The following CSMD1 variants were observed in gnomAD, a reference collection of about 807,000 sequenced individuals.
CSMD1 encodes the protein CUB and sushi domain-containing protein 1.
A neutral mutation model predicts 417.5 loss-of-function variants in CSMD1; 213 were observed. The observed-to-expected ratio is 0.51, with a 90% confidence interval of 0.46 to 0.57. CSMD1 has a LOEUF of 0.57. Ranked by LOEUF, CSMD1 falls within the 20% of genes least tolerant of loss-of-function variation. CSMD1 has a pLI of 0.00. For missense variants in CSMD1, 6,923 were observed against 4,529.7 expected, an observed-to-expected ratio of 1.53 and a Z score of -15.17; for synonymous variants, 2,862 against 1,736.8, an observed-to-expected ratio of 1.65 and a Z score of -16.11.
At chr8:3,408,576 C>G (rs1214842212) in intron 13 of CSMD1, among the ~76,000 whole-genome samples, 1 of 151,270 alleles carries the variant, frequency 6.6e-6, no homozygotes, top group Non-Finnish European at 1.5e-5. Flanking sequence ...AAAGTATATT[C>G]CTATATCATA....
intron 2 of CSMD1, among the ~76,000 whole-genome samples, chr8:4,598,300 C>T (rs1025880068): frequency 2.6e-5 from 4 of 152,090 alleles, no homozygotes; most frequent in East Asian, 1.9e-4. Flanking sequence ...ATTTGAATTA[C>T]GAATACTATG....
intron 3 of CSMD1, among the ~76,000 whole-genome samples, chr8:4,034,917 A>T (rs1457080833): frequency 2.6e-5 from 4 of 152,178 alleles, no homozygotes; most frequent in African/African-American, 7.2e-5. Context: ...ATGACCAGTC[A>T]TTGTCACACA....
chr8:4,195,557 C>G (rs968371), intron 3 of CSMD1, among the ~76,000 whole-genome samples: 73,474 of 151,980 alleles, frequency 0.48, 19,397 homozygotes, highest in Non-Finnish European at 0.59. Context: ...GTGCGTCTGA[C>G]CAATAGTATA....
At chr8:3,457,706 A>G (rs1196843627) in intron 12 of CSMD1, among the ~76,000 whole-genome samples, 1 of 152,198 alleles carries the variant, frequency 6.6e-6, no homozygotes, top group Admixed American at 6.5e-5. Context: ...GATCATAAAA[A>G]CTCGTAAAGG....
chr8:3,004,899 G>T (rs554753398), intron 52 of CSMD1, among the ~76,000 whole-genome samples: 5 of 152,312 alleles, frequency 3.3e-5, no homozygotes, highest in Admixed American at 6.5e-5. Context: ...AGCACTTTGG[G>T]ATGCTGAGGT....
chr8:4,729,722 A>G (rs1303707791), intron 1 of CSMD1, among the ~76,000 whole-genome samples: 1 of 152,192 alleles, frequency 6.6e-6, no homozygotes, highest in East Asian at 1.9e-4. Context: ...TGTGCTTACA[A>G]CTCAAAGTTC....
At chr8:4,712,986 G>T (rs768948481) in intron 1 of CSMD1, among the ~76,000 whole-genome samples, 2 of 152,166 alleles carry the variant, frequency 1.3e-5, no homozygotes, top group Admixed American at 6.5e-5. Flanking sequence ...GGGAATTACT[G>T]GCAGTAATAT....
At chr8:4,246,272 T>C (rs969716011) in intron 3 of CSMD1, among the ~76,000 whole-genome samples, 1 of 152,164 alleles carries the variant, frequency 6.6e-6, no homozygotes, top group Non-Finnish European at 1.5e-5. Context: ...TAACTTGTGC[T>C]ATTTGGTTTT....
At chr8:4,770,847 T>C (rs1046249822) in intron 1 of CSMD1, among the ~76,000 whole-genome samples, 3 of 152,038 alleles carry the variant, frequency 2.0e-5, no homozygotes, top group South Asian at 4.1e-4. Flanking sequence ...CCTGAAACCA[T>C]GAAAATCCCA....
chr8:4,239,574 C>T lies in CSMD1; in HGVS notation c.415+180379G>A, dbSNP rs147393085. 2.0e-4 allele frequency among the ~76,000 whole-genome samples: 30 copies of T among 152,222 alleles called. No homozygotes were observed. In the East Asian group the frequency reaches 5.6e-3, roughly 29 times the overall value. On this transcript the variant is annotated intron_variant, in intron 3 of 69. Coordinates refer to ENST00000635120, the MANE Select transcript of CSMD1 (RefSeq NM_033225.6). ...TGTTATGTGCCACCCCATAACCCTC[C>T]AGTAAATCCCCTAGCCACCTGCCTC...
In CSMD1 at chr8:4,235,833, G is replaced by A. The variant is rs114990338; in HGVS notation, c.415+184120C>T. 7.9e-3 allele frequency among the ~76,000 whole-genome samples: 1,199 copies of A among 152,272 alleles called. 12 individuals carry two copies. Among genetic ancestry groups the A allele is most frequent in the African/African-American group, 0.027 (1,103 of 41,544 alleles). On this transcript the variant is annotated intron_variant, in intron 3 of 69. Transcript: ENST00000635120. ...TTGTAACTTGAGAACACTCAGAGGA[G>A]AGGAGACATCCTGCCATCCTTTGAT...
intron 1 of CSMD1, among the ~76,000 whole-genome samples, chr8:4,804,061 T>C (rs1400652422): frequency 6.6e-6 from 1 of 152,198 alleles, no homozygotes; most frequent in Admixed American, 6.5e-5. Flanking sequence ...TAGGGGTGTG[T>C]TCTATTTCAT....
At chr8:4,754,257 G>C (rs1336121696) in intron 1 of CSMD1, among the ~76,000 whole-genome samples, 8 of 152,242 alleles carry the variant, frequency 5.3e-5, no homozygotes, top group South Asian at 4.2e-4. Flanking sequence ...AAGAAAATAA[G>C]ATTGACTAAG....
chr8:4,450,283 A>AAGCTG (rs1799061952), intron 2 of CSMD1, among the ~76,000 whole-genome samples: 1 of 152,186 alleles, frequency 6.6e-6, no homozygotes, highest in Non-Finnish European at 1.5e-5. Flanking sequence ...ACATGGGAGA[A>AAGCTG]AGCTGTGCAC....
chr8:4,314,130 C>A (rs190021870), intron 3 of CSMD1, among the ~76,000 whole-genome samples: 6 of 152,154 alleles, frequency 3.9e-5, no homozygotes, highest in Admixed American at 1.3e-4. Context: ...ATCCGACATG[C>A]AGAGACTGTC....
intron 2 of CSMD1, among the ~76,000 whole-genome samples, chr8:4,620,911 A>T (rs1801741792): frequency 6.6e-6 from 1 of 151,992 alleles, no homozygotes; most frequent in African/African-American, 2.4e-5. Context: ...AAAAAAAAAT[A>T]GGCAACTGGC....
At chr8:3,453,023 A>G (rs1410577622) in intron 12 of CSMD1, among the ~76,000 whole-genome samples, 1 of 152,054 alleles carries the variant, frequency 6.6e-6, no homozygotes, top group Non-Finnish European at 1.5e-5. Context: ...CAGAGATTCA[A>G]CTTCTTCCTG....
At position 4,839,459 on chromosome 8, in the gene CSMD1, G is replaced by C. The variant is rs555538627; in HGVS notation, c.85+154873C>G. On this transcript the variant is annotated intron_variant, in intron 1 of 69. Coordinates refer to ENST00000635120, the MANE Select transcript of CSMD1 (RefSeq NM_033225.6). Reference sequence around the variant, plus strand: ...CTGAAAAAAAGTTGCTAGACATTTAGAATGACATTTGCACTGAAAAATCCT... The same window carrying C: ...CTGAAAAAAAGTTGCTAGACATTTACAATGACATTTGCACTGAAAAATCCT... 1.1e-4 allele frequency among the ~76,000 whole-genome samples: 16 copies of C among 152,230 alleles called. No homozygotes were observed. In the East Asian group the frequency reaches 2.7e-3, roughly 26 times the overall value.
At chr8:4,422,629 A>C (rs1390044310) in intron 2 of CSMD1, among the ~76,000 whole-genome samples, 2 of 152,112 alleles carry the variant, frequency 1.3e-5, no homozygotes, top group Admixed American at 6.6e-5. Context: ...AGAACTGTGA[A>C]AAAATAAACC....
Sources: gnomAD v4.1 joint callset for allele counts (sites outside exome capture counted in the v4.1 genomes callset) on GRCh38, gnomAD v4.1.1 for gene constraint, MANE v1.5 for transcripts, NCBI Gene and HGNC (gene_info 2026-07-23, HGNC 2026-07-21) for gene names.